PLXNA1: variants seen among roughly 807,000 people sequenced by gnomAD.
The protein encoded by PLXNA1 is plexin A1.
In PLXNA1, 77 loss-of-function variants were observed where a neutral mutation model predicts 191.7. That is an observed-to-expected ratio of 0.40 (90% CI 0.33 to 0.49). The LOEUF (loss-of-function observed/expected upper bound fraction) is 0.49. Ranked by LOEUF, PLXNA1 falls within the 20% of genes least tolerant of loss-of-function variation. PLXNA1 has a pLI of 0.63. For synonymous variants in PLXNA1, 1,137 were observed against 1,156.4 expected, an observed-to-expected ratio of 0.98 and a Z score of 0.34; for missense variants, 2,110 against 2,660.2, an observed-to-expected ratio of 0.79 and a Z score of 4.55.
At chr3:127,027,720 A>C in intron 23 of PLXNA1, 1 of 712,360 alleles carries the variant, frequency 1.4e-6, no homozygotes, top group South Asian at 1.5e-5. Context: ...TAGGGTTTTC[A>C]TGTGATATTT....
chr3:127,033,815 A>C, intron 31 of PLXNA1, 107 bp from the exon 32 acceptor site: 1 of 888,206 alleles, frequency 1.1e-6, no homozygotes, highest in Non-Finnish European at 1.7e-6. Flanking sequence ...GGCCAGGGGT[A>C]GATGGGGTTG....
Position 127,016,845 on chromosome 3 carries a change from G to T in PLXNA1, c.3183-99G>T, listed in dbSNP as rs1306964938. The T allele has an allele frequency of 7.2e-7, 1 of 1,387,316 alleles. No individual in the cohort carries two copies. Among genetic ancestry groups the T allele is most frequent in the African/African-American group, 1.4e-5 (1 of 70,134 alleles). 85.9% of individuals were successfully genotyped at this position (1,387,316 alleles called of 1,614,324 possible). A position where few individuals can be genotyped will look rare whatever the true frequency, so the allele number is the denominator to read the frequency against. ...GAGCTTTTACCTGTTTCCTGTCTTT[G>T]GGGAAGGCAGGCTTTGCCTGGCTGA... On this transcript the variant is annotated intron_variant, in intron 16 of 31. Transcript: ENST00000393409.
chr3:126,985,316 G>A (rs543150899), intron 1 of PLXNA1, among the ~76,000 whole-genome samples: 2 of 152,126 alleles, frequency 1.3e-5, no homozygotes, highest in African/African-American at 4.8e-5. Context: ...GTCTCTCTCC[G>A]CCTCTCTCTC....
At position 126,989,527 on chromosome 3, in the gene PLXNA1, G is replaced by A; in HGVS notation, c.934G>A (p.Val312Met). The A allele has an allele frequency of 6.2e-6, 10 of 1,613,366 alleles. No homozygotes were observed. Among genetic ancestry groups the A allele is most frequent in the Non-Finnish European group, 8.5e-6 (10 of 1,180,030 alleles). ...CEQAGVEYRL[V>M]QDAYLSRPGR... is the part of the protein sequence containing the mutation. Reference sequence around the variant, plus strand: ...GCAGGCGGGTGTGGAGTACCGCCTGGTGCAGGATGCCTACCTGAGCCGGCC... The same window carrying A: ...GCAGGCGGGTGTGGAGTACCGCCTGATGCAGGATGCCTACCTGAGCCGGCC... The change falls in exon 2 of 32, where the codon GTG becomes ATG. Residue 312 changes from valine (V) to methionine (M), a missense_variant. Around this residue, in one of 4 missense-constraint regions of PLXNA1, gnomAD observed 903 missense variants for 1,015.7 expected, o/e 0.89. Coordinates refer to ENST00000393409, the MANE Select transcript of PLXNA1 (RefSeq NM_032242.4).
intron 23 of PLXNA1, chr3:127,027,581 A>AG (rs1685774554): frequency 6.9e-6 from 3 of 434,574 alleles, no homozygotes; most frequent in Non-Finnish European, 1.4e-5. Flanking sequence ...GGCTGGAGCT[A>AG]GGCGGGGATC....
chr3:127,011,448 C>G (rs1250244574), intron 9 of PLXNA1, among the ~76,000 whole-genome samples: 1 of 152,214 alleles, frequency 6.6e-6, no homozygotes, highest in Non-Finnish European at 1.5e-5. Context: ...TTTCAGCATC[C>G]CTATTTAAAG....
rs774822716 is a variant in PLXNA1, at chr3:126,988,925, C to T, written c.332C>T (p.Thr111Ile). 6.2e-7 allele frequency: 1 copy of T among 1,613,250 alleles called. No homozygotes were observed. The highest frequency in any genetic ancestry group is 8.5e-7 in the Non-Finnish European group (1 of 1,180,008). ...TCCTGCCCCCACGGCCTGGGCAGTA[C>T]TGACAACGTCAACAAGCTGCTGCTG... ...VQSCPHGLGS[T>I]DNVNKLLLLD... Residue 111 changes from threonine to isoleucine, a missense_variant, in exon 2 of 32, where the codon ACT becomes ATT. Around this residue, in one of 4 missense-constraint regions of PLXNA1, gnomAD observed 903 missense variants for 1,015.7 expected, o/e 0.89. Transcript: ENST00000393409.
rs1281411625 is a variant in PLXNA1, at chr3:127,033,903, A to G, written c.5596-19A>G. 1 of 1,577,638 alleles carries G rather than the reference A, an allele frequency of 6.3e-7. No individual in the cohort carries two copies. The highest frequency in any genetic ancestry group is 1.8e-5 in the Admixed American group (1 of 54,360). ...GAGGCTGGTGGCCCGGCATGCTGAC[A>G]GTTCTCCTGGCCCTGCAGATCCTGG... On this transcript the variant is annotated intron_variant, in intron 31 of 31. Transcript: ENST00000393409.
At chr3:126,991,818 C>T (rs949763030) in intron 3 of PLXNA1, among the ~76,000 whole-genome samples, 7 of 152,142 alleles carry the variant, frequency 4.6e-5, no homozygotes, top group African/African-American at 1.7e-4. Flanking sequence ...GGAGCCTGTG[C>T]AGGGGCCCAG....
chr3:127,004,874 TC>T lies in PLXNA1; in HGVS notation c.1620-10del, dbSNP rs779160898. 36 of 1,580,954 alleles carry T rather than the reference TC, an allele frequency of 2.3e-5. No individual in the cohort carries two copies. The highest frequency in any genetic ancestry group is 3.1e-5 in the Non-Finnish European group (36 of 1,161,426). The stretch of plus-strand genomic sequence containing the variant: ...TCCCCATCCGCCCAGCCTCAACCCC[TC>T]TGCCTGCAGCTGCTCGCGGCGGGAC... On this transcript the variant is annotated splice_polypyrimidine_tract_variant and intron_variant, in intron 5 of 31. Coordinates refer to ENST00000393409, the MANE Select transcript of PLXNA1 (RefSeq NM_032242.4).
intron 20 of PLXNA1, 149 bp from the exon 21 acceptor site, chr3:127,020,053 G>A (rs888904614): frequency 6.5e-5 from 59 of 913,862 alleles, no homozygotes; most frequent in Non-Finnish European, 9.1e-5. Context: ...GTAGTAGCTG[G>A]GGGACGAAGA....
At chr3:126,986,701 A>G (rs899081359) in intron 1 of PLXNA1, among the ~76,000 whole-genome samples, 5 of 152,148 alleles carry the variant, frequency 3.3e-5, no homozygotes, top group African/African-American at 1.2e-4. Flanking sequence ...AATAAGTAAT[A>G]GAGACCCTTC....
At chr3:126,986,528 C>T (rs2078959983) in intron 1 of PLXNA1, among the ~76,000 whole-genome samples, 2 of 152,148 alleles carry the variant, frequency 1.3e-5, no homozygotes, top group South Asian at 2.1e-4. Context: ...GCTGCCGCAC[C>T]CAGACCTGGC....
intron 23 of PLXNA1, among the ~76,000 whole-genome samples, chr3:127,024,902 T>A (rs2079169635): frequency 6.6e-6 from 1 of 152,172 alleles, no homozygotes; most frequent in Non-Finnish European, 1.5e-5. Flanking sequence ...TTGTCTTTTT[T>A]AAGATAGATG....
Position 126,984,390 on chromosome 3 carries a change from C to T in PLXNA1, c.-74+1103C>T, listed in dbSNP as rs551943940. Among the ~76,000 whole-genome samples, 9 of 152,360 alleles carry T rather than the reference C, an allele frequency of 5.9e-5. No homozygotes were observed. In the East Asian group the frequency reaches 1.5e-3, roughly 26 times the overall value. ...CCGTGCTGCCCCATCTCCTTTCACA[C>T]GTAGCCGGTTTGGGGGTCGGTGCAG... On this transcript the variant is annotated intron_variant, in intron 1 of 31. Coordinates refer to ENST00000393409, the MANE Select transcript of PLXNA1 (RefSeq NM_032242.4).
chr3:127,011,808 C>A, intron 9 of PLXNA1, 150 bp from the exon 10 acceptor site: 1 of 736,532 alleles, frequency 1.4e-6, no homozygotes, highest in Non-Finnish European at 2.4e-6. Context: ...CTGTCCCAGC[C>A]AGCGGTCCTC....
chr3:126,995,622 A>G (rs1388263338), intron 3 of PLXNA1, among the ~76,000 whole-genome samples: 1 of 152,280 alleles, frequency 6.6e-6, no homozygotes, highest in Non-Finnish European at 1.5e-5. Flanking sequence ...CGGTTTTTCA[A>G]GATTCTGGAA....
rs748940920 is a variant in PLXNA1 at position 127,030,441 on chromosome 3, TC to T, written c.5231+34del. On this transcript the variant is annotated intron_variant, in intron 29 of 31. Transcript: ENST00000393409. The stretch of plus-strand genomic sequence containing the variant: ...ATGCAGGGCAGGGGGAGGAGGGGCA[TC>T]CCCCAGGGCCAGGCCAGATGTGTTC... The T allele has an allele frequency of 1.9e-6, 3 of 1,610,608 alleles. No homozygotes were observed. In the Admixed American group the frequency reaches 5.0e-5, roughly 27 times the overall value.
Position 127,015,303 on chromosome 3 carries a change from G to A in PLXNA1, c.2997G>A (p.Arg999=). 3 of 1,604,764 alleles carry A rather than the reference G, an allele frequency of 1.9e-6. No individual in the cohort carries two copies. Among genetic ancestry groups the A allele is most frequent in the Non-Finnish European group, 2.5e-6 (3 of 1,177,104 alleles). ...ATGTGGCTGTGTCGGTCGGTGGCCG[G>A]CCCTGCTCCTTCTCCTGGTACGGGG... ...GSDVAVSVGG[R]PCSFSWRNSR... is the part of the protein sequence containing the mutation. Residue 999 remains arginine, a synonymous_variant, in exon 15 of 32, where the codon CGG becomes CGA. Transcript: ENST00000393409.
Sources: gnomAD v4.1 joint callset for allele counts (sites outside exome capture counted in the v4.1 genomes callset) on GRCh38, gnomAD v4.1.1 for gene constraint, gnomAD v4.1.1 regional missense constraint, MANE v1.5 for transcripts, NCBI Gene and HGNC (gene_info 2026-07-23, HGNC 2026-07-21) for gene names.